LRRC20: variants seen among roughly 807,000 people sequenced by gnomAD.
LRRC20 encodes leucine-rich repeat-containing protein 20.
A neutral mutation model predicts 14.4 loss-of-function variants in LRRC20; 11 were observed. The observed-to-expected ratio is 0.77, with a 90% CI of 0.48 to 1.27. The LOEUF (loss-of-function observed/expected upper bound fraction) is 1.27. Among genes scored for constraint, LRRC20 ranks in the 50% most tolerant of loss-of-function variants. The pLI, the probability that LRRC20 is intolerant of heterozygous loss-of-function variation, is 0.00. For missense variants in LRRC20, 219 were observed against 251.2 expected, an observed-to-expected ratio of 0.87 and a Z score of 0.87; for synonymous variants, 121 against 107.3, an observed-to-expected ratio of 1.13 and a Z score of -0.79.
chr10:70,329,620 G>C (rs1842459452), intron 3 of LRRC20, among the ~76,000 whole-genome samples: 1 of 148,740 alleles, frequency 6.7e-6, no homozygotes, highest in Non-Finnish European at 1.5e-5. Flanking sequence ...GGAGTGCAGT[G>C]GCACGATCTC....
intron 3 of LRRC20, among the ~76,000 whole-genome samples, chr10:70,330,269 G>T (rs961487428): frequency 1.1e-4 from 17 of 152,014 alleles, no homozygotes; most frequent in Non-Finnish European, 1.5e-4. Flanking sequence ...TTTTATTTAT[G>T]AATTCCACTT....
In LRRC20 at chr10:70,305,834, G is replaced by A. The variant is rs555183509; in HGVS notation, c.401-4326C>T. Among the ~76,000 whole-genome samples, 10 of 150,296 alleles carry A rather than the reference G, an allele frequency of 6.7e-5. No individual in the cohort carries two copies. In the South Asian group the frequency reaches 1.7e-3, roughly 25 times the overall value. On this transcript the variant is annotated intron_variant, in intron 4 of 4. Transcript: ENST00000446961. ...CGGCTCACTGCAAGCTCCGCCTCCCGGGTTCACGCCATTCTCCTGCCTCAG... is the reference window on the plus strand; with the variant it reads ...CGGCTCACTGCAAGCTCCGCCTCCCAGGTTCACGCCATTCTCCTGCCTCAG...
chr10:70,331,956 T>G (rs911352813), intron 3 of LRRC20, among the ~76,000 whole-genome samples: 2 of 152,232 alleles, frequency 1.3e-5, no homozygotes. Context: ...AGAGAGAAGC[T>G]TGCCAATTCC....
chr10:70,302,353 G>A (rs1841226342), intron 4 of LRRC20, among the ~76,000 whole-genome samples: 1 of 152,034 alleles, frequency 6.6e-6, no homozygotes. Flanking sequence ...AAAGAAGGCA[G>A]GCACAAAAAG....
At chr10:70,334,023 G>A (rs1342480563) in intron 3 of LRRC20, among the ~76,000 whole-genome samples, 2 of 152,094 alleles carry the variant, frequency 1.3e-5, no homozygotes, top group African/African-American at 4.8e-5. Flanking sequence ...GGTGGCAAGT[G>A]CCTGTAATCC....
At chr10:70,326,331 C>CACACACAT in intron 3 of LRRC20, among the ~76,000 whole-genome samples, 1 of 146,776 alleles carries the variant, frequency 6.8e-6, no homozygotes, top group African/African-American at 2.7e-5. Flanking sequence ...CACACACACA[C>CACACACAT]ACGCACGCGC....
intron 4 of LRRC20, among the ~76,000 whole-genome samples, chr10:70,320,950 G>A (rs943368612): frequency 3.3e-5 from 5 of 152,306 alleles, no homozygotes; most frequent in African/African-American, 1.2e-4. Context: ...GGATGACTGA[G>A]TTGATCCTGG....
chr10:70,367,830 A>G (rs929431447), intron 2 of LRRC20, among the ~76,000 whole-genome samples: 11 of 151,752 alleles, frequency 7.2e-5, no homozygotes, highest in African/African-American at 2.7e-4. Context: ...TATATAAATT[A>G]TAACAATAAA....
At chr10:70,320,510 C>T (rs780561802) in intron 4 of LRRC20, among the ~76,000 whole-genome samples, 28 of 152,182 alleles carry the variant, frequency 1.8e-4, no homozygotes, top group Non-Finnish European at 7.3e-5. Flanking sequence ...GTTCATAGTA[C>T]GCAACTTGAA....
At position 70,316,608 on chromosome 10, in the gene LRRC20, C is replaced by A. The variant is rs71480649; in HGVS notation, c.400+7255G>T. 5.9e-5 allele frequency among the ~76,000 whole-genome samples: 9 copies of A among 152,374 alleles called. No individual in the cohort carries two copies. The South Asian group carries it at 1.9e-3, about 32-fold the overall frequency. On this transcript the variant is annotated intron_variant, in intron 4 of 4. Transcript: ENST00000446961. ...CAAAGACCAAGTGTGTGGCTTGCTA[C>A]TTCCCTGCAGGTGGACACAAGTGGG...
intron 4 of LRRC20, among the ~76,000 whole-genome samples, chr10:70,316,065 A>G (rs778418761): frequency 3.3e-5 from 5 of 152,210 alleles, no homozygotes; most frequent in Non-Finnish European, 7.3e-5. Flanking sequence ...AGGGACAGGT[A>G]GTAGTGGAGA....
intron 4 of LRRC20, among the ~76,000 whole-genome samples, chr10:70,321,803 T>C (rs1358980513): frequency 1.3e-5 from 2 of 152,364 alleles, no homozygotes; most frequent in East Asian, 3.9e-4. Flanking sequence ...CATGAAGGCT[T>C]AGAGCTTCAG....
chr10:70,367,459 C>A (rs1844058720), intron 2 of LRRC20, among the ~76,000 whole-genome samples: 1 of 152,150 alleles, frequency 6.6e-6, no homozygotes, highest in South Asian at 2.1e-4. Flanking sequence ...AAATGTCCTT[C>A]AGCAGATGAA....
chr10:70,381,208 T>C (rs1302831128), intron 1 of LRRC20, among the ~76,000 whole-genome samples: 1 of 152,242 alleles, frequency 6.6e-6, no homozygotes, highest in Non-Finnish European at 1.5e-5. Context: ...ACCGGATTAT[T>C]GTGGGAAGTA....
chr10:70,302,406 G>A (rs956303646), intron 4 of LRRC20, among the ~76,000 whole-genome samples: 5 of 152,310 alleles, frequency 3.3e-5, no homozygotes, highest in Admixed American at 2.0e-4. Flanking sequence ...ACATAGAGTA[G>A]TTGAATTCAT....
At chr10:70,315,135 TGAAA>T (rs1841808176) in intron 4 of LRRC20, among the ~76,000 whole-genome samples, 2 of 152,134 alleles carry the variant, frequency 1.3e-5, no homozygotes, top group Non-Finnish European at 2.9e-5. Flanking sequence ...AGAGCATCCT[TGAAA>T]AGTGCTTAGA....
At position 70,382,614 on chromosome 10, in the gene LRRC20, A is replaced by G. The variant is rs7921619; in HGVS notation, c.-129T>C. The G allele has an allele frequency of 6.6e-6, 1 of 150,850 alleles. No individual in the cohort carries two copies. The highest frequency in any genetic ancestry group is 2.4e-5 in the African/African-American group (1 of 41,320). 9.3% of individuals were successfully genotyped at this position (150,850 alleles called of 1,614,324 possible). ...CTCCCTCCGCCGCCGGCGGCGCCCC[A>G]GGCGAGTTCCGAGCCGGCGGGGCGG... On this transcript the variant is annotated 5_prime_UTR_variant, in exon 1 of 5. Coordinates refer to ENST00000446961, the MANE Select transcript of LRRC20 (RefSeq NM_001278212.2).
intron 2 of LRRC20, among the ~76,000 whole-genome samples, chr10:70,354,847 C>T (rs893557284): frequency 6.6e-6 from 1 of 152,160 alleles, no homozygotes; most frequent in Non-Finnish European, 1.5e-5. Flanking sequence ...CACACGTGAC[C>T]CTCGGTGTGG....
chr10:70,308,951 G>A (rs891494831), intron 4 of LRRC20, among the ~76,000 whole-genome samples: 1 of 152,178 alleles, frequency 6.6e-6, no homozygotes, highest in Admixed American at 6.5e-5. Context: ...CTAAAGAAAG[G>A]TGCTGCCTAT....
Sources: allele counts gnomAD v4.1 joint callset (sites outside exome capture counted in the v4.1 genomes callset), GRCh38; gene constraint gnomAD v4.1.1; transcripts MANE v1.5; gene names NCBI Gene and HGNC (gene_info 2026-07-23, HGNC 2026-07-21).